SEC24B: variants seen among roughly 807,000 people sequenced by gnomAD.
SEC24B encodes protein transport protein Sec24B.
In SEC24B, 45 loss-of-function variants were observed where a neutral mutation model predicts 142.8. The observed-to-expected ratio is 0.32, with a 90% confidence interval of 0.25 to 0.40. The LOEUF (loss-of-function observed/expected upper bound fraction) is 0.40. Ranked by LOEUF, SEC24B falls within the 10% of genes least tolerant of loss-of-function variation. The pLI, the probability that SEC24B is intolerant of heterozygous loss-of-function variation, is 1.00. For missense variants in SEC24B, 1,409 were observed against 1,526.8 expected (o/e 0.92, Z 1.29); for synonymous variants, 574 against 568.2 (o/e 1.01, Z -0.15).
At chr4:109,453,719 C>T (rs1191796266) in intron 1 of SEC24B, among the ~76,000 whole-genome samples, 2 of 152,118 alleles carry the variant, frequency 1.3e-5, no homozygotes, top group African/African-American at 4.8e-5. Flanking sequence ...AGGCGACATA[C>T]ATCCTCAGCT....
At chr4:109,523,362 C>CA (rs2126076984) in intron 14 of SEC24B, among the ~76,000 whole-genome samples, 1 of 152,076 alleles carries the variant, frequency 6.6e-6, no homozygotes, top group African/African-American at 2.4e-5. Context: ...CCCAGCTACT[C>CA]AGATGGCTGA....
In SEC24B at chr4:109,488,968, G is replaced by T. The variant is rs374528488; in HGVS notation, c.1166-2359G>T. On this transcript the variant is annotated intron_variant, in intron 4 of 23. Transcript: ENST00000265175. Reference sequence around the variant, plus strand: ...TTTGGTTATTTGTTGTTTTATTGTTGAGTTGTAAGAGTTTGTTACATATTC... The same window carrying T: ...TTTGGTTATTTGTTGTTTTATTGTTTAGTTGTAAGAGTTTGTTACATATTC... Among the ~76,000 whole-genome samples the T allele has an allele frequency of 3.3e-4, 50 of 152,010 alleles. No homozygotes were observed. The East Asian group carries it at 6.0e-3, about 18-fold the overall frequency.
At chr4:109,436,096 A>G (rs554960712) in intron 1 of SEC24B, among the ~76,000 whole-genome samples, 2 of 152,284 alleles carry the variant, frequency 1.3e-5, no homozygotes, top group East Asian at 1.9e-4. Flanking sequence ...AGGAAATTTG[A>G]AAGTTATGGT....
At chr4:109,530,138 C>T in intron 18 of SEC24B, 151 bp from the exon 19 acceptor site, 1 of 561,206 alleles carries the variant, frequency 1.8e-6, no homozygotes, top group Non-Finnish European at 3.1e-6. Flanking sequence ...TATAAGAAGA[C>T]ATTTGAAATG....
At chr4:109,528,086 A>G (rs1412001120) in intron 18 of SEC24B, among the ~76,000 whole-genome samples, 1 of 152,154 alleles carries the variant, frequency 6.6e-6, no homozygotes, top group Non-Finnish European at 1.5e-5. Flanking sequence ...TGTGCTGAAT[A>G]AAAGAAGCTA....
chr4:109,479,299 C>T (rs747109755), intron 3 of SEC24B, among the ~76,000 whole-genome samples: 89 of 150,798 alleles, frequency 5.9e-4, no homozygotes, highest in Non-Finnish European at 1.0e-3. Context: ...CATTCCTTCT[C>T]CATTCGGTGG....
intron 1 of SEC24B, chr4:109,449,526 CCAGA>C (rs1180922165): frequency 2.2e-6 from 1 of 455,768 alleles, no homozygotes; most frequent in Admixed American, 2.4e-5. Flanking sequence ...GCCACTACGC[CCAGA>C]CATTTATTTT....
intron 3 of SEC24B, among the ~76,000 whole-genome samples, chr4:109,474,421 A>AT (rs1336026320): frequency 9.0e-5 from 11 of 121,566 alleles, no homozygotes; most frequent in African/African-American, 3.4e-4. Flanking sequence ...ATTTCTTCCT[A>AT]TTGTTTTTTT....
intron 1 of SEC24B, among the ~76,000 whole-genome samples, chr4:109,448,630 A>G (rs186100202): frequency 2.6e-5 from 4 of 152,060 alleles, no homozygotes; most frequent in South Asian, 4.2e-4. Flanking sequence ...TTCAGTAGAG[A>G]TGGGGTTTCG....
Position 109,526,418 on chromosome 4 carries a change from A to G in SEC24B, c.2965+19A>G. ...AGCAAAGGTAATGTTAACAGAAATG[A>G]AATATAGTCTGCAGCAGTAATTCCT... On this transcript the variant is annotated intron_variant, in intron 17 of 23. Transcript: ENST00000265175. 6.3e-7 allele frequency: 1 copy of G among 1,578,254 alleles called. No individual in the cohort carries two copies. Among genetic ancestry groups the G allele is most frequent in the Non-Finnish European group, 8.7e-7 (1 of 1,153,938 alleles).
At chr4:109,530,563 A>T in intron 19 of SEC24B, 99 bp downstream of exon 19, 1 of 958,218 alleles carries the variant, frequency 1.0e-6, no homozygotes, top group Non-Finnish European at 1.6e-6. Context: ...ATACTTAACT[A>T]GAGGATTATT....
At chr4:109,528,648 A>G (rs1448953643) in intron 18 of SEC24B, among the ~76,000 whole-genome samples, 1 of 152,184 alleles carries the variant, frequency 6.6e-6, no homozygotes, top group African/African-American at 2.4e-5. Context: ...TAACCACTAT[A>G]GAACTGTACT....
intron 4 of SEC24B, among the ~76,000 whole-genome samples, chr4:109,485,239 G>C (rs1578867875): frequency 1.3e-5 from 2 of 152,218 alleles, no homozygotes; most frequent in Admixed American, 1.3e-4. Context: ...GTTATTGTCT[G>C]TTCTTCTCAA....
intron 1 of SEC24B, among the ~76,000 whole-genome samples, chr4:109,435,472 A>T (rs1315528321): frequency 6.6e-6 from 1 of 152,234 alleles, no homozygotes. Flanking sequence ...TTGTAGACTC[A>T]TGTTTACCAG....
intron 2 of SEC24B, among the ~76,000 whole-genome samples, chr4:109,467,309 G>A (rs1348047880): frequency 1.4e-5 from 2 of 138,818 alleles, no homozygotes; most frequent in African/African-American, 5.4e-5. Flanking sequence ...CTGGGCGACA[G>A]AGCGAGACTC....
intron 2 of SEC24B, among the ~76,000 whole-genome samples, chr4:109,472,343 C>T (rs542096613): frequency 2.0e-5 from 3 of 152,148 alleles, no homozygotes; most frequent in Non-Finnish European, 4.4e-5. Flanking sequence ...CAACCGGGAA[C>T]GATTTTGCCT....
At chr4:109,507,617 G>C (rs1020866300) in intron 7 of SEC24B, among the ~76,000 whole-genome samples, 2 of 151,528 alleles carry the variant, frequency 1.3e-5, no homozygotes, top group Non-Finnish European at 2.9e-5. Context: ...GTGTTCTTTA[G>C]AGCCAATATT....
At chr4:109,499,311 G>A (rs1030364537) in intron 6 of SEC24B, among the ~76,000 whole-genome samples, 1 of 152,146 alleles carries the variant, frequency 6.6e-6, no homozygotes, top group Non-Finnish European at 1.5e-5. Context: ...TTTGGGACTT[G>A]TATGTTTTAT....
At chr4:109,533,776 A>G (rs1484433002) in intron 22 of SEC24B, 91 bp downstream of exon 22, 4 of 842,900 alleles carry the variant, frequency 4.7e-6, no homozygotes, top group Non-Finnish European at 7.9e-6. Context: ...TTTAAAATGT[A>G]CAATTCAGTA....
Sources: gnomAD v4.1 joint callset for allele counts (sites outside exome capture counted in the v4.1 genomes callset) on GRCh38, gnomAD v4.1.1 for gene constraint, MANE v1.5 for transcripts, NCBI Gene and HGNC (gene_info 2026-07-23, HGNC 2026-07-21) for gene names.